The following MTDH variants were observed in gnomAD, a reference collection of about 807,000 sequenced individuals.
MTDH encodes protein LYRIC.
Under a neutral mutation model 72.7 loss-of-function variants are expected in MTDH, and 34 were observed. The ratio of observed to expected loss-of-function variants is 0.47; its 90% CI spans 0.36 to 0.62. The LOEUF (loss-of-function observed/expected upper bound fraction) is 0.62. Among genes scored for constraint, MTDH ranks in the 20% least tolerant of loss-of-function variants. The probability of loss-of-function intolerance (pLI) is 0.00; values close to 1 mark genes in which losing one functional copy is unlikely to be tolerated. For missense variants in MTDH, 677 were observed against 699.4 expected, an observed-to-expected ratio of 0.97 and a Z score of 0.36; for synonymous variants, 266 against 268.9, an observed-to-expected ratio of 0.99 and a Z score of 0.10.
chr8:97,669,666 C>T lies in MTDH; in HGVS notation c.483+8493C>T, dbSNP rs532195959. On this transcript the variant is annotated intron_variant, in intron 2 of 11. Coordinates refer to ENST00000336273, the MANE Select transcript of MTDH (RefSeq NM_178812.4). ...TCACAGTGGCTCATGCCTGTAATCCCAGCACTTTGGGAGGCCGAGGCAGGT... is the reference window on the plus strand; with the variant it reads ...TCACAGTGGCTCATGCCTGTAATCCTAGCACTTTGGGAGGCCGAGGCAGGT... Among the ~76,000 whole-genome samples, 5 of 152,128 alleles carry T rather than the reference C, an allele frequency of 3.3e-5. No homozygotes were observed. The East Asian group carries it at 9.7e-4, about 30-fold the overall frequency.
chr8:97,658,034 G>A (rs1248349611), intron 1 of MTDH, among the ~76,000 whole-genome samples: 1 of 152,190 alleles, frequency 6.6e-6, no homozygotes, highest in Non-Finnish European at 1.5e-5. Context: ...GTATGAAGGA[G>A]AATCACCTCA....
rs144514874 is a variant in MTDH at position 97,644,854 on chromosome 8, G to T, written c.348G>T (p.Lys116Asn). The T allele has an allele frequency of 3.2e-6, 5 of 1,573,384 alleles. No homozygotes were observed. The highest frequency in any genetic ancestry group is 2.0e-5 in the Admixed American group (1 of 50,330). ...LKNLRSEEQK[K>N]KNRKKLSEKP... ...ATCTCCGGAGCGAGGAACAGAAGAA[G>T]AAGAACCGGAAGAAACTGTCCGAGA... Residue 116 changes from lysine (K) to asparagine (N), a missense_variant, in exon 1 of 12, where the codon AAG becomes AAT. Physicochemically the swap from Lys to Asn is moderately conservative, Grantham distance 94. This residue lies in a region of MTDH where 467 missense variants were observed against 469.1 expected (regional missense o/e 1.00). Coordinates refer to ENST00000336273, the MANE Select transcript of MTDH (RefSeq NM_178812.4).
intron 10 of MTDH, 86 bp downstream of exon 10, chr8:97,719,275 A>G: frequency 7.1e-7 from 1 of 1,413,376 alleles, no homozygotes; most frequent in East Asian, 2.3e-5. Flanking sequence ...TGGGCAGGTC[A>G]TGAGGTCAGG....
At chr8:97,671,444 ATTTT>A (rs199892237) in intron 2 of MTDH, among the ~76,000 whole-genome samples, 2 of 151,684 alleles carry the variant, frequency 1.3e-5, no homozygotes, top group Admixed American at 1.3e-4. Flanking sequence ...GTTCTCGCAA[ATTTT>A]TTTTTGTTTT....
Position 97,644,486 on chromosome 8 carries a change from G to A in MTDH, c.-21G>A. 1.3e-6 allele frequency: 2 copies of A among 1,552,010 alleles called. No individual in the cohort carries two copies. Among genetic ancestry groups the A allele is most frequent in the Non-Finnish European group, 1.7e-6 (2 of 1,157,614 alleles). On this transcript the variant is annotated 5_prime_UTR_variant, in exon 1 of 12. Transcript: ENST00000336273. ...TCCGCGCCCCGGCGTCATCCTGCGA[G>A]TCCCTCTGACGGGAGGGAAGATGGC...
chr8:97,646,581 TGA>T (rs1340765047), intron 1 of MTDH, among the ~76,000 whole-genome samples: 1 of 152,114 alleles, frequency 6.6e-6, no homozygotes, highest in African/African-American at 2.4e-5. Flanking sequence ...AAACTTGAGT[TGA>T]GAGAGACAGG....
intron 1 of MTDH, among the ~76,000 whole-genome samples, chr8:97,645,203 C>T (rs1475622350): frequency 6.6e-6 from 1 of 152,156 alleles, no homozygotes; most frequent in Non-Finnish European, 1.5e-5. Flanking sequence ...GCACAGCATC[C>T]TTCCTTGAGG....
Position 97,713,708 on chromosome 8 carries a change from G to C in MTDH, c.1319G>C (p.Gly440Ala). ...AAGGGAGAGGGAGCTCTTCCAACTG[G>C]GAAATCCAAAAAGAAAAAAAAGAAA... Reference protein sequence around the residue: ...KEKGEGALPTGKSKKKKKKKK... With the variant: ...KEKGEGALPTAKSKKKKKKKK... Residue 440 changes from glycine (G) to alanine (A), a missense_variant, in exon 9 of 12, where the codon GGG becomes GCG. By Grantham distance (60) the Gly-to-Ala change is moderately conservative. Transcript: ENST00000336273. 1 of 1,608,690 alleles carries C rather than the reference G, an allele frequency of 6.2e-7. No individual in the cohort carries two copies. Among genetic ancestry groups the C allele is most frequent in the Non-Finnish European group, 8.5e-7 (1 of 1,178,152 alleles).
rs1815342172 is a variant in MTDH, at chr8:97,726,118, G to A, written c.*1448G>A. 3 of 152,624 alleles carry A rather than the reference G, an allele frequency of 2.0e-5. No homozygotes were observed. Among genetic ancestry groups the A allele is most frequent in the Admixed American group, 2.0e-4 (3 of 15,278 alleles). 9.5% of individuals were successfully genotyped at this position (152,624 alleles called of 1,614,324 possible). A position where few individuals can be genotyped will look rare whatever the true frequency, so the allele number is the denominator to read the frequency against. On this transcript the variant is annotated 3_prime_UTR_variant, in exon 12 of 12. Coordinates refer to ENST00000336273, the MANE Select transcript of MTDH (RefSeq NM_178812.4). ...AGTATTGCGTTGTCAGACTAGGAAAGCTAAACGAACAAAATGGTTTTAGTT... is the reference window on the plus strand; with the variant it reads ...AGTATTGCGTTGTCAGACTAGGAAAACTAAACGAACAAAATGGTTTTAGTT...
At chr8:97,648,672 T>A (rs1811655004) in intron 1 of MTDH, among the ~76,000 whole-genome samples, 1 of 152,204 alleles carries the variant, frequency 6.6e-6, no homozygotes, top group African/African-American at 2.4e-5. Context: ...AAATTTATTT[T>A]AGTGGACAAG....
At chr8:97,708,030 G>A (rs1229145160) in intron 8 of MTDH, among the ~76,000 whole-genome samples, 1 of 151,166 alleles carries the variant, frequency 6.6e-6, no homozygotes, top group Non-Finnish European at 1.5e-5. Flanking sequence ...GTTCAGTGAT[G>A]CAATCTCAGC....
chr8:97,694,760 T>C (rs1234000035), intron 6 of MTDH, among the ~76,000 whole-genome samples: 2 of 151,590 alleles, frequency 1.3e-5, no homozygotes, highest in South Asian at 4.2e-4. Flanking sequence ...TTGTCTGTAC[T>C]AAAATACAAA....
chr8:97,702,002 C>G (rs142381511), intron 7 of MTDH, among the ~76,000 whole-genome samples: 2 of 152,044 alleles, frequency 1.3e-5, no homozygotes, highest in African/African-American at 4.8e-5. Flanking sequence ...TCTGTGTCAC[C>G]ATCTTTAATG....
chr8:97,696,917 A>G (rs1183475710), intron 6 of MTDH, among the ~76,000 whole-genome samples: 1 of 151,250 alleles, frequency 6.6e-6, no homozygotes, highest in African/African-American at 2.4e-5. Context: ...TAGGAGTTCA[A>G]GACCAGCCTG....
intron 2 of MTDH, among the ~76,000 whole-genome samples, chr8:97,684,354 A>G (rs1008475750): frequency 6.6e-6 from 1 of 152,174 alleles, no homozygotes; most frequent in African/African-American, 2.4e-5. Context: ...AGAAATTTTT[A>G]AAAATATATA....
intron 2 of MTDH, among the ~76,000 whole-genome samples, chr8:97,666,725 T>C (rs1812405159): frequency 6.6e-6 from 1 of 152,170 alleles, no homozygotes; most frequent in South Asian, 2.1e-4. Context: ...TTTGAGACAG[T>C]CTCACTCTGT....
Position 97,691,180 on chromosome 8 carries a change from C to A in MTDH, c.1040C>A (p.Ser347Tyr). 6.3e-7 allele frequency: 1 copy of A among 1,592,762 alleles called. No homozygotes were observed. Among genetic ancestry groups the A allele is most frequent in the Non-Finnish European group, 8.6e-7 (1 of 1,168,098 alleles). The stretch of plus-strand genomic sequence containing the variant: ...AGTTGGAGTGACCGTTCAATATTTT[C>A]TGGCATTGGTAAGAAGTGTTAGAAA... ...GRSWSDRSIF[S>Y]GIGSTAEPVS... Residue 347 changes from serine (S) to tyrosine (Y), a missense_variant, in exon 6 of 12, where the codon TCT becomes TAT. Coordinates refer to ENST00000336273, the MANE Select transcript of MTDH (RefSeq NM_178812.4).
chr8:97,660,019 C>T (rs766145712), intron 1 of MTDH, among the ~76,000 whole-genome samples: 5 of 152,054 alleles, frequency 3.3e-5, no homozygotes, highest in East Asian at 1.9e-4. Flanking sequence ...ATTAGCCGGG[C>T]GTGGTGGCAT....
chr8:97,668,691 A>T (rs1006935089), intron 2 of MTDH, among the ~76,000 whole-genome samples: 4 of 151,622 alleles, frequency 2.6e-5, no homozygotes, highest in Non-Finnish European at 4.4e-5. Context: ...AGTAGCTGGG[A>T]TTACAGGCGC....
Sources: gnomAD v4.1 joint callset for allele counts (sites outside exome capture counted in the v4.1 genomes callset) on GRCh38, gnomAD v4.1.1 for gene constraint, gnomAD v4.1.1 regional missense constraint, MANE v1.5 for transcripts, NCBI Gene and HGNC (gene_info 2026-07-23, HGNC 2026-07-21) for gene names.